HCN1: variants seen among roughly 807,000 people sequenced by gnomAD.
The protein encoded by HCN1 is hyperpolarization activated cyclic nucleotide gated potassium channel 1, also known as potassium/sodium hyperpolarization-activated cyclic nucleotide-gated channel 1.
HCN1 carries 13 observed loss-of-function variants against 78.9 expected under a neutral mutation model. The observed-to-expected ratio is 0.16, with a 90% CI of 0.11 to 0.26. The LOEUF (loss-of-function observed/expected upper bound fraction) is 0.26. Ranked by LOEUF, HCN1 falls within the 10% of genes least tolerant of loss-of-function variation. HCN1 has a pLI of 1.00. For synonymous variants in HCN1, 552 were observed against 455.5 expected, an observed-to-expected ratio of 1.21 and a Z score of -2.70; for missense variants, 810 against 1,154.3, an observed-to-expected ratio of 0.70 and a Z score of 4.32.
In HCN1 at chr5:45,261,420, A is replaced by T. The variant is rs1425652862; in HGVS notation, c.*501T>A. On this transcript the variant is annotated 3_prime_UTR_variant, in exon 8 of 8. Coordinates refer to ENST00000303230, the MANE Select transcript of HCN1 (RefSeq NM_021072.4). ...TTGAAAGCACCGAAATACAATTTAG[A>T]TCTATAAAATGGGATTTGTTATTTA... The T allele has an allele frequency of 6.5e-6, 1 of 153,754 alleles. No individual in the cohort carries two copies. The highest frequency in any genetic ancestry group is 1.4e-5 in the Non-Finnish European group (1 of 69,102). 9.5% of individuals were successfully genotyped at this position (153,754 alleles called of 1,614,324 possible). A position where few individuals can be genotyped will look rare whatever the true frequency, so the allele number is the denominator to read the frequency against.
At chr5:45,572,551 A>C (rs1410246559) in intron 2 of HCN1, among the ~76,000 whole-genome samples, 1 of 152,178 alleles carries the variant, frequency 6.6e-6, no homozygotes, top group East Asian at 1.9e-4. Flanking sequence ...TGGACATACA[A>C]CTGTTGCATT....
At chr5:45,579,156 G>A (rs923525715) in intron 2 of HCN1, among the ~76,000 whole-genome samples, 2 of 152,010 alleles carry the variant, frequency 1.3e-5, no homozygotes, top group Non-Finnish European at 2.9e-5. Flanking sequence ...TGTAAGGCAC[G>A]AAGCTACAGA....
intron 2 of HCN1, among the ~76,000 whole-genome samples, chr5:45,464,295 G>C (rs1200871601): frequency 2.0e-5 from 3 of 151,896 alleles, no homozygotes; most frequent in Non-Finnish European, 4.4e-5. Context: ...TTTTTGTTTT[G>C]CTACTATGCA....
rs1209375651 is a variant in HCN1 at position 45,260,573 on chromosome 5, T to C, written c.*1348A>G. 3 of 152,498 alleles carry C rather than the reference T, an allele frequency of 2.0e-5. No homozygotes were observed. Among genetic ancestry groups the C allele is most frequent in the Admixed American group, 6.5e-5 (1 of 15,278 alleles). 9.4% of individuals were successfully genotyped at this position (152,498 alleles called of 1,614,324 possible). A position where few individuals can be genotyped will look rare whatever the true frequency, so the allele number is the denominator to read the frequency against. ...ACTAACCATTTAGTTACAATATACATAGAGCAAAATGTGTGTTCCCAAACA... is the reference window on the plus strand; with the variant it reads ...ACTAACCATTTAGTTACAATATACACAGAGCAAAATGTGTGTTCCCAAACA... On this transcript the variant is annotated 3_prime_UTR_variant, in exon 8 of 8. Coordinates refer to ENST00000303230, the MANE Select transcript of HCN1 (RefSeq NM_021072.4).
intron 2 of HCN1, among the ~76,000 whole-genome samples, chr5:45,574,040 T>C (rs1401706841): frequency 2.0e-5 from 3 of 152,092 alleles, no homozygotes; most frequent in Non-Finnish European, 4.4e-5. Flanking sequence ...AATGTGCCCA[T>C]TGAATATGGT....
intron 5 of HCN1, among the ~76,000 whole-genome samples, chr5:45,319,138 T>G (rs1010865426): frequency 6.6e-5 from 10 of 152,144 alleles, no homozygotes; most frequent in Admixed American, 5.9e-4. Context: ...ATAAAATAAA[T>G]GTCAGCTAAA....
chr5:45,687,889 C>A (rs951477612), intron 1 of HCN1, among the ~76,000 whole-genome samples: 1 of 152,026 alleles, frequency 6.6e-6, no homozygotes, highest in Non-Finnish European at 1.5e-5. Context: ...TCCAGTTTCC[C>A]GACTGAGAAA....
intron 6 of HCN1, among the ~76,000 whole-genome samples, chr5:45,276,084 G>GA (rs968221202): frequency 2.2e-4 from 34 of 151,742 alleles, no homozygotes; most frequent in South Asian, 1.2e-3. Flanking sequence ...TCTAAAAAAT[G>GA]AAAAAAACAC....
At chr5:45,401,062 T>C (rs1044100210) in intron 3 of HCN1, among the ~76,000 whole-genome samples, 2 of 152,196 alleles carry the variant, frequency 1.3e-5, no homozygotes, top group Non-Finnish European at 2.9e-5. Flanking sequence ...AAACTATTCT[T>C]TAATTAAAAA....
At chr5:45,421,041 C>T (rs951857241) in intron 3 of HCN1, among the ~76,000 whole-genome samples, 2 of 151,850 alleles carry the variant, frequency 1.3e-5, no homozygotes, top group African/African-American at 4.8e-5. Context: ...TCTTTCCTTT[C>T]CTTCCTTCTC....
intron 5 of HCN1, among the ~76,000 whole-genome samples, chr5:45,341,627 C>G (rs190380861): frequency 6.6e-6 from 1 of 152,130 alleles, no homozygotes; most frequent in Non-Finnish European, 1.5e-5. Context: ...AAAGGTGGCT[C>G]ATGCCTGTAG....
At chr5:45,634,159 CA>C (rs772152969) in intron 2 of HCN1, among the ~76,000 whole-genome samples, 3 of 151,926 alleles carry the variant, frequency 2.0e-5, no homozygotes, top group Non-Finnish European at 4.4e-5. Context: ...CTAAACTTAT[CA>C]CATTCTAGAT....
intron 3 of HCN1, among the ~76,000 whole-genome samples, chr5:45,441,934 T>A (rs1245185129): frequency 6.6e-6 from 1 of 152,152 alleles, no homozygotes; most frequent in Non-Finnish European, 1.5e-5. Context: ...TACAGGAATA[T>A]CACAACTAAA....
intron 3 of HCN1, among the ~76,000 whole-genome samples, chr5:45,441,535 A>G (rs146152334): frequency 6.6e-6 from 1 of 152,222 alleles, no homozygotes; most frequent in Non-Finnish European, 1.5e-5. Context: ...TACCTTGCAC[A>G]TGCAATACTC....
At chr5:45,351,840 C>G (rs956978576) in intron 5 of HCN1, among the ~76,000 whole-genome samples, 4 of 151,832 alleles carry the variant, frequency 2.6e-5, no homozygotes, top group African/African-American at 9.7e-5. Flanking sequence ...CCATCTCACA[C>G]CAGTTAGAAT....
At chr5:45,687,459 GTTCTAA>G (rs1252319654) in intron 1 of HCN1, among the ~76,000 whole-genome samples, 3 of 151,540 alleles carry the variant, frequency 2.0e-5, no homozygotes, top group Non-Finnish European at 2.9e-5. Flanking sequence ...TTGTCTTTTT[GTTCTAA>G]TTCTAACGGG....
chr5:45,468,176 T>A (rs571024023), intron 2 of HCN1, among the ~76,000 whole-genome samples: 1 of 152,286 alleles, frequency 6.6e-6, no homozygotes, highest in Admixed American at 6.5e-5. Context: ...TAAGAAGTCT[T>A]TCTTCTGAGA....
chr5:45,629,390 A>G (rs1309705479), intron 2 of HCN1, among the ~76,000 whole-genome samples: 2 of 152,198 alleles, frequency 1.3e-5, no homozygotes, highest in Non-Finnish European at 2.9e-5. Context: ...TAGTAGAAAA[A>G]CATATTTTCT....
intron 5 of HCN1, among the ~76,000 whole-genome samples, chr5:45,330,607 G>T (rs1311334096): frequency 6.6e-6 from 1 of 150,802 alleles, no homozygotes; most frequent in Non-Finnish European, 1.5e-5. Flanking sequence ...AAGTTTAAAT[G>T]ACTCATCAAT....
Sources: gnomAD v4.1 joint callset for allele counts (sites outside exome capture counted in the v4.1 genomes callset) on GRCh38, gnomAD v4.1.1 for gene constraint, MANE v1.5 for transcripts, NCBI Gene and HGNC (gene_info 2026-07-23, HGNC 2026-07-21) for gene names.